The following UBN2 variants were observed in gnomAD, a reference collection of about 807,000 sequenced individuals.
UBN2 encodes ubinuclein-2.
Under a neutral mutation model 120.2 loss-of-function variants are expected in UBN2, and 35 were observed. The ratio of observed to expected loss-of-function variants is 0.29; its 90% CI spans 0.22 to 0.39. The LOEUF is 0.39. UBN2 is among the 10% of genes least tolerant of loss of function. The probability of loss-of-function intolerance (pLI) is 1.00; values close to 1 mark genes in which losing one functional copy is unlikely to be tolerated. For synonymous variants in UBN2, 661 were observed against 648.7 expected (o/e 1.02, Z -0.29); for missense variants, 1,693 against 1,663.2 (o/e 1.02, Z -0.31).
At chr7:139,269,246 GTTTT>G in intron 7 of UBN2, 144 bp from the exon 8 acceptor site, 1 of 751,788 alleles carries the variant, frequency 1.3e-6, no homozygotes, top group Non-Finnish European at 2.0e-6. Context: ...ATTGCTATGG[GTTTT>G]TTTTTATTTT....
At chr7:139,232,507 A>C (rs1036553257) in intron 1 of UBN2, among the ~76,000 whole-genome samples, 8 of 152,212 alleles carry the variant, frequency 5.3e-5, no homozygotes, top group African/African-American at 1.7e-4. Flanking sequence ...GAATTTAAGA[A>C]TAATTAAAGG....
chr7:139,300,463 T>C lies in UBN2; in HGVS notation c.*2627T>C, dbSNP rs1798227850. On this transcript the variant is annotated 3_prime_UTR_variant, in exon 18 of 18. Transcript: ENST00000473989. ...TTATGGTCACCTGTCTTTACCGTTT[T>C]TATTACTAAAAACAAACATATAAAT... The C allele has an allele frequency of 1.3e-5, 2 of 152,222 alleles. No homozygotes were observed. Among genetic ancestry groups the C allele is most frequent in the Non-Finnish European group, 2.9e-5 (2 of 68,048 alleles). The allele number at this position is 152,222 out of a possible 1,614,324, so 9.4% of individuals were successfully genotyped here.
chr7:139,262,863 C>G (rs760008924), intron 6 of UBN2, among the ~76,000 whole-genome samples: 2 of 152,114 alleles, frequency 1.3e-5, no homozygotes, highest in Admixed American at 1.3e-4. Flanking sequence ...GGCCCCATCT[C>G]TACAATCTTA....
chr7:139,244,251 T>C (rs1490112749), intron 2 of UBN2, among the ~76,000 whole-genome samples: 3 of 152,136 alleles, frequency 2.0e-5, no homozygotes, highest in African/African-American at 7.2e-5. Flanking sequence ...AATCAGCAAA[T>C]CACCTGTAAG....
At chr7:139,324,555 CAAAAAAAAAA>C in the UBN2 span, among the ~76,000 whole-genome samples, 3 of 68,916 alleles carry the variant, frequency 4.4e-5, no homozygotes, top group Admixed American at 1.8e-4. Flanking sequence ...GACTCCATCT[CAAAAAAAAAA>C]AAAAAAAAAA....
intron 17 of UBN2, among the ~76,000 whole-genome samples, chr7:139,294,984 A>G (rs1176126767): frequency 2.0e-5 from 3 of 151,936 alleles, no homozygotes; most frequent in African/African-American, 4.8e-5. Flanking sequence ...CCAGCAGTCT[A>G]CCTCCATAGA....
At chr7:139,288,164 G>T (rs1307136576) in intron 15 of UBN2, among the ~76,000 whole-genome samples, 1 of 152,182 alleles carries the variant, frequency 6.6e-6, no homozygotes, top group African/African-American at 2.4e-5. Flanking sequence ...ACTCTTCTAG[G>T]TGCTGGGGAT....
chr7:139,314,153 A>G, the UBN2 span, among the ~76,000 whole-genome samples: 1 of 145,562 alleles, frequency 6.9e-6, no homozygotes, highest in South Asian at 2.3e-4. Flanking sequence ...TGGCCCAGAA[A>G]CTCTTTTAGA....
intron 12 of UBN2, among the ~76,000 whole-genome samples, chr7:139,278,515 A>ATTAACTTTGTGTTTTGT (rs967622249): frequency 2.6e-5 from 4 of 151,826 alleles, no homozygotes; most frequent in Non-Finnish European, 5.9e-5. Context: ...CATTATTATC[A>ATTAACTTTGTGTTTTGT]TTAACTTTGT....
chr7:139,285,974 T>C (rs954237525), intron 15 of UBN2, among the ~76,000 whole-genome samples: 5 of 152,182 alleles, frequency 3.3e-5, no homozygotes, highest in African/African-American at 1.2e-4. Context: ...GTTGCCAGGC[T>C]GGAGTGCAAT....
At chr7:139,243,493 A>G (rs1003790251) in intron 2 of UBN2, among the ~76,000 whole-genome samples, 1 of 152,216 alleles carries the variant, frequency 6.6e-6, no homozygotes, top group African/African-American at 2.4e-5. Context: ...TCCTTTGCCA[A>G]TGTAACTTGA....
chr7:139,257,915 C>T (rs978399608), intron 3 of UBN2, among the ~76,000 whole-genome samples: 5 of 152,042 alleles, frequency 3.3e-5, no homozygotes, highest in African/African-American at 9.7e-5. Flanking sequence ...CCTCCTGAGT[C>T]GCTGGGCTTA....
intron 15 of UBN2, among the ~76,000 whole-genome samples, chr7:139,289,784 A>G (rs1052321426): frequency 1.3e-5 from 2 of 152,170 alleles, no homozygotes; most frequent in African/African-American, 2.4e-5. Context: ...TTTTATTAAC[A>G]GTATTTAATG....
chr7:139,295,109 A>G (rs909484866), intron 17 of UBN2, among the ~76,000 whole-genome samples: 1 of 140,528 alleles, frequency 7.1e-6, no homozygotes, highest in Admixed American at 7.2e-5. Context: ...TTTTTTGGCC[A>G]CTGCATTAAA....
At position 139,273,277 on chromosome 7, in the gene UBN2, A is replaced by G; in HGVS notation, c.1716-20A>G. ...GTGTTGGGTTAAAAGTTTGTTTTGTAAAGTGTTTTTCATTTTTAGATTGCA... is the reference window on the plus strand; with the variant it reads ...GTGTTGGGTTAAAAGTTTGTTTTGTGAAGTGTTTTTCATTTTTAGATTGCA... On this transcript the variant is annotated intron_variant, in intron 9 of 17. Transcript: ENST00000473989. 1 of 1,567,684 alleles carries G rather than the reference A, an allele frequency of 6.4e-7. No individual in the cohort carries two copies. The highest frequency in any genetic ancestry group is 8.7e-7 in the Non-Finnish European group (1 of 1,149,394).
At position 139,284,353 on chromosome 7, in the gene UBN2, A is replaced by AC. The variant is rs1563223963; in HGVS notation, c.3449dup (p.Asn1151LysfsTer26). 1 of 1,614,192 alleles carries AC rather than the reference A, an allele frequency of 6.2e-7. No individual in the cohort carries two copies. The highest frequency in any genetic ancestry group is 8.5e-7 in the Non-Finnish European group (1 of 1,180,036). ...AAATCTTCAGGCCCCCTCAAAGCTAACAAACTCATCATCCACTGGAACTGT... is the reference window on the plus strand; with the variant it reads ...AAATCTTCAGGCCCCCTCAAAGCTAACCAAACTCATCATCCACTGGAACTGT... On this transcript the variant is annotated frameshift_variant, in exon 15 of 18. Coordinates refer to ENST00000473989, the MANE Select transcript of UBN2 (RefSeq NM_173569.4). LOFTEE classifies it high-confidence loss of function.
intron 6 of UBN2, among the ~76,000 whole-genome samples, chr7:139,263,163 A>G (rs1251160944): frequency 6.6e-6 from 1 of 152,222 alleles, no homozygotes; most frequent in Admixed American, 6.5e-5. Context: ...AAACCTATGG[A>G]TAATCAAAAT....
intron 2 of UBN2, among the ~76,000 whole-genome samples, chr7:139,246,900 G>A (rs955853394): frequency 7.9e-5 from 12 of 152,154 alleles, no homozygotes; most frequent in Middle Eastern, 3.4e-3. Flanking sequence ...TCTTATTGCC[G>A]AGCAGTAATC....
chr7:139,258,642 T>C lies in UBN2; in HGVS notation c.801+17T>C. The C allele has an allele frequency of 1.3e-6, 2 of 1,578,374 alleles. No individual in the cohort carries two copies. The highest frequency in any genetic ancestry group is 1.7e-6 in the Non-Finnish European group (2 of 1,161,028). Reference sequence around the variant, plus strand: ...CCACCCAAGGTGAGTTTATCAAACATTGCAACAGTACTGAGAATGTTCAAT... The same window carrying C: ...CCACCCAAGGTGAGTTTATCAAACACTGCAACAGTACTGAGAATGTTCAAT... On this transcript the variant is annotated intron_variant, in intron 4 of 17. Coordinates refer to ENST00000473989, the MANE Select transcript of UBN2 (RefSeq NM_173569.4).
Sources: gnomAD v4.1 joint callset for allele counts (sites outside exome capture counted in the v4.1 genomes callset) on GRCh38, gnomAD v4.1.1 for gene constraint, MANE v1.5 for transcripts, NCBI Gene and HGNC (gene_info 2026-07-23, HGNC 2026-07-21) for gene names.